Variants in IMMP2L observed in about 807,000 individuals in gnomAD.
IMMP2L encodes inner mitochondrial membrane peptidase subunit 2, also known as mitochondrial inner membrane protease subunit 2.
IMMP2L carries 18 observed loss-of-function variants against 19.3 expected under a neutral mutation model. That is an observed-to-expected ratio of 0.93 (90% CI 0.64 to 1.38). IMMP2L has a LOEUF of 1.38. IMMP2L is among the 40% of genes most tolerant of loss of function. The pLI is 0.00. For synonymous variants in IMMP2L, 76 were observed against 73.0 expected (o/e 1.04, Z -0.21); for missense variants, 233 against 218.2 (o/e 1.07, Z -0.43).
intron 3 of IMMP2L, among the ~76,000 whole-genome samples, chr7:111,388,524 T>A (rs760698872): frequency 3.9e-5 from 6 of 152,094 alleles, no homozygotes; most frequent in Non-Finnish European, 8.8e-5. Context: ...AATGTACATA[T>A]GTATTAGTCC....
chr7:111,048,069 C>T (rs1792587443), intron 3 of IMMP2L, among the ~76,000 whole-genome samples: 1 of 151,440 alleles, frequency 6.6e-6, no homozygotes, highest in Non-Finnish European at 1.5e-5. Context: ...GAAACCCCGT[C>T]TCTACTAAAA....
At chr7:111,049,943 G>A (rs1301277669) in intron 3 of IMMP2L, among the ~76,000 whole-genome samples, 2 of 152,316 alleles carry the variant, frequency 1.3e-5, no homozygotes, top group East Asian at 1.9e-4. Context: ...TGAGAGCACA[G>A]TGGACAGACT....
chr7:111,193,424 G>C (rs1312503048), intron 3 of IMMP2L, among the ~76,000 whole-genome samples: 2 of 152,124 alleles, frequency 1.3e-5, no homozygotes, highest in Non-Finnish European at 2.9e-5. Context: ...ATTTTTGTCT[G>C]ACGGTGATAA....
intron 5 of IMMP2L, among the ~76,000 whole-genome samples, chr7:110,759,641 G>T (rs1798236849): frequency 6.6e-6 from 1 of 152,068 alleles, no homozygotes; most frequent in East Asian, 1.9e-4. Context: ...ACAGATTTTG[G>T]AGCTGCTTTA....
At chr7:111,523,314 T>C (rs901233892) in intron 1 of IMMP2L, among the ~76,000 whole-genome samples, 1 of 152,108 alleles carries the variant, frequency 6.6e-6, no homozygotes, top group Non-Finnish European at 1.5e-5. Context: ...TGTTAGGTAA[T>C]GCATTTATTA....
At chr7:110,805,288 T>C (rs1436393394) in intron 5 of IMMP2L, among the ~76,000 whole-genome samples, 1 of 152,108 alleles carries the variant, frequency 6.6e-6, no homozygotes, top group South Asian at 2.1e-4. Context: ...TGTTCCACAG[T>C]ACAAGTCAGT....
chr7:111,075,167 C>T (rs1174429406), intron 3 of IMMP2L, among the ~76,000 whole-genome samples: 3 of 133,350 alleles, frequency 2.2e-5, no homozygotes, highest in South Asian at 5.0e-4. Context: ...CTCTCTGTCA[C>T]CCAGGCTGGA....
At chr7:111,539,875 G>C (rs1280132330) in intron 1 of IMMP2L, among the ~76,000 whole-genome samples, 1 of 151,990 alleles carries the variant, frequency 6.6e-6, no homozygotes. Flanking sequence ...AATACCATTT[G>C]AATACAAAAA....
intron 2 of IMMP2L, among the ~76,000 whole-genome samples, chr7:111,501,921 G>A (rs1383873189): frequency 6.6e-6 from 1 of 152,092 alleles, no homozygotes; most frequent in Non-Finnish European, 1.5e-5. Context: ...CAACTAATGA[G>A]CAAAATAACC....
intron 3 of IMMP2L, among the ~76,000 whole-genome samples, chr7:111,374,523 CATT>C (rs1830516946): frequency 6.6e-6 from 1 of 152,086 alleles, no homozygotes; most frequent in Non-Finnish European, 1.5e-5. Flanking sequence ...CTTTCTCCCA[CATT>C]ATTATTGTCC....
chr7:110,805,581 C>G (rs1477346360), intron 5 of IMMP2L, among the ~76,000 whole-genome samples: 1 of 151,804 alleles, frequency 6.6e-6, no homozygotes, highest in African/African-American at 2.4e-5. Context: ...TTCTATGATC[C>G]TATAATTAAA....
chr7:111,452,178 A>G lies in IMMP2L; in HGVS notation c.239+35060T>C, dbSNP rs1839269041. Among the ~76,000 whole-genome samples the G allele has an allele frequency of 2.0e-5, 3 of 152,204 alleles. No homozygotes were observed. The South Asian group carries it at 6.2e-4, about 31-fold the overall frequency. ...AGCCTTACTTTAGTTTTTATCAGCA[A>G]CAATCTTGTATAATCTACCATGACT... On this transcript the variant is annotated intron_variant, in intron 3 of 5. Coordinates refer to ENST00000405709, the MANE Select transcript of IMMP2L (RefSeq NM_032549.4).
At chr7:111,192,226 T>C (rs1336778150) in intron 3 of IMMP2L, among the ~76,000 whole-genome samples, 1 of 152,124 alleles carries the variant, frequency 6.6e-6, no homozygotes, top group East Asian at 1.9e-4. Context: ...CTGAAAAGAT[T>C]ATGAGATTAT....
Position 110,663,469 on chromosome 7 carries a change from G to A in IMMP2L, c.*133C>T, listed in dbSNP as rs980344799. The A allele has an allele frequency of 2.1e-5, 15 of 709,730 alleles. No individual in the cohort carries two copies. The highest frequency in any genetic ancestry group is 3.4e-5 in the South Asian group (2 of 59,006). 44.0% of individuals were successfully genotyped at this position (709,730 alleles called of 1,614,324 possible). On this transcript the variant is annotated 3_prime_UTR_variant, in exon 6 of 6. Transcript: ENST00000405709. Reference sequence around the variant, plus strand: ...AATTATTTATTTAATAATACAGATCGTTTTAATGTGCTGTAAATATTTCTC... The same window carrying A: ...AATTATTTATTTAATAATACAGATCATTTTAATGTGCTGTAAATATTTCTC...
chr7:111,092,273 T>C (rs2129578027), intron 3 of IMMP2L, among the ~76,000 whole-genome samples: 1 of 152,340 alleles, frequency 6.6e-6, no homozygotes, highest in South Asian at 2.1e-4. Flanking sequence ...AGAGTTCTAA[T>C]CTTTGGTAAT....
chr7:111,332,529 A>C (rs1825980438), intron 3 of IMMP2L, among the ~76,000 whole-genome samples: 1 of 151,968 alleles, frequency 6.6e-6, no homozygotes, highest in Non-Finnish European at 1.5e-5. Context: ...CCTTTTTGTA[A>C]AACAAAAACT....
At chr7:111,084,379 T>C (rs563994279) in intron 3 of IMMP2L, among the ~76,000 whole-genome samples, 1 of 149,790 alleles carries the variant, frequency 6.7e-6, no homozygotes, top group Admixed American at 6.6e-5. Context: ...TTTAGACACG[T>C]AGAGTACAGA....
At chr7:110,976,809 T>C (rs1483861118) in intron 3 of IMMP2L, among the ~76,000 whole-genome samples, 1 of 151,980 alleles carries the variant, frequency 6.6e-6, no homozygotes, top group Non-Finnish European at 1.5e-5. Context: ...GCTCCCTACA[T>C]GTTCAATAAA....
chr7:111,313,669 AG>A (rs2130335834), intron 3 of IMMP2L, among the ~76,000 whole-genome samples: 1 of 152,268 alleles, frequency 6.6e-6, no homozygotes, highest in Non-Finnish European at 1.5e-5. Flanking sequence ...AATCAACTAT[AG>A]GAGTTTTTAC....
Sources: allele counts gnomAD v4.1 joint callset (sites outside exome capture counted in the v4.1 genomes callset), GRCh38; gene constraint gnomAD v4.1.1; transcripts MANE v1.5; gene names NCBI Gene and HGNC (gene_info 2026-07-23, HGNC 2026-07-21).